Variants in PRAMEF20 observed in about 807,000 individuals in gnomAD.
The protein encoded by PRAMEF20 is PRAME family member 20.
In PRAMEF20, 27 loss-of-function variants were observed where a neutral mutation model predicts 32.4. That is an observed-to-expected ratio of 0.83 (90% CI 0.61 to 1.15). The LOEUF (loss-of-function observed/expected upper bound fraction) is 1.15. PRAMEF20 is among the 50% of genes most tolerant of loss of function. The probability of loss-of-function intolerance (pLI) is 0.00; values close to 1 mark genes in which losing one functional copy is unlikely to be tolerated. For missense variants in PRAMEF20, 604 were observed against 584.5 expected (o/e 1.03, Z -0.34); for synonymous variants, 256 against 235.4 (o/e 1.09, Z -0.80).
chr1:13,417,910 TTGTGTGTGTGTGTGTGTGTGTG>T (rs71272484), intron 1 of PRAMEF20, among the ~76,000 whole-genome samples, 190 bp from the exon 3 acceptor site: 2 of 124,218 alleles, frequency 1.6e-5, no homozygotes, highest in South Asian at 2.8e-4. Flanking sequence ...CCCGGCTAAT[TTGTGTGTGTGTGTGTGTGTGTG>T]TGTGTGTGTG....
In PRAMEF20 at chr1:13,420,588, C is replaced by A. The variant is rs1641231194; in HGVS notation, c.867-109C>A. The A allele has an allele frequency of 4.7e-6, 7 of 1,473,856 alleles. No homozygotes were observed. The Admixed American group carries it at 1.0e-4, about 21-fold the overall frequency. 91.3% of individuals were successfully genotyped at this position (1,473,856 alleles called of 1,614,324 possible). A position where few individuals can be genotyped will look rare whatever the true frequency, so the allele number is the denominator to read the frequency against. ...TTGACTATCAGACAATCAGAATGACCCTGGGCTTGGGCAAAATGGTCTCCA... is the reference window on the plus strand; with the variant it reads ...TTGACTATCAGACAATCAGAATGACACTGGGCTTGGGCAAAATGGTCTCCA... On this transcript the variant is annotated intron_variant, in intron 2 of 2. Coordinates refer to ENST00000602960, the Ensembl canonical transcript of PRAMEF20.
At chr1:13,417,359 C>T (rs917658100) in intron 1 of PRAMEF20, among the ~76,000 whole-genome samples, 1 of 152,038 alleles carries the variant, frequency 6.6e-6, no homozygotes, top group Non-Finnish European at 1.5e-5. Context: ...TCATGTAAGA[C>T]AGGGAAGTTC....
At chr1:13,415,801 AAGGG>A (rs1265811170), upstream of PRAMEF20, among the ~76,000 whole-genome samples, 4,899 of 137,634 alleles carry the variant, frequency 0.036, 201 homozygotes, top group African/African-American at 0.093. Context: ...AAAAAGAACA[AAGGG>A]AGGGAGGGAG....
chr1:13,414,468 G>GT (rs1246174165), upstream of PRAMEF20, among the ~76,000 whole-genome samples: 4 of 151,534 alleles, frequency 2.6e-5, no homozygotes, highest in Admixed American at 6.6e-5. Context: ...TTTACTAAAA[G>GT]TTTTTTTTGA....
chr1:13,412,573 G>A (rs1037952078), upstream of PRAMEF20, among the ~76,000 whole-genome samples: 5 of 151,994 alleles, frequency 3.3e-5, no homozygotes, highest in Admixed American at 1.3e-4. Context: ...TTCACATGTC[G>A]TGGTTTCTTC....
intron 1 of PRAMEF20, 45 bp from the exon 3 acceptor site, chr1:13,418,077 G>C (rs1470914629): frequency 3.7e-6 from 6 of 1,611,622 alleles, no homozygotes; most frequent in Non-Finnish European, 4.2e-6. Context: ...CCCAGCCTCA[G>C]AAGTGAGTCC....
intron 2 of PRAMEF20, among the ~76,000 whole-genome samples, chr1:13,419,936 A>T (rs1404429866): frequency 6.6e-6 from 1 of 152,284 alleles, no homozygotes; most frequent in Non-Finnish European, 1.5e-5. Context: ...TGATTCTGAA[A>T]CAGAGGGTCA....
upstream of PRAMEF20, among the ~76,000 whole-genome samples, chr1:13,413,329 T>C (rs1004506834): frequency 1.3e-5 from 2 of 152,154 alleles, no homozygotes; most frequent in African/African-American, 4.8e-5. Context: ...GGGTGGAGCT[T>C]AAGAGATTTA....
At chr1:13,411,675 T>C (rs1471963067), upstream of PRAMEF20, among the ~76,000 whole-genome samples, 1 of 152,186 alleles carries the variant, frequency 6.6e-6, no homozygotes, top group Non-Finnish European at 1.5e-5. Context: ...CCTTAGAATT[T>C]TGAGAACCAC....
exon 2 of PRAMEF20, chr1:13,418,310 C>T: frequency 6.2e-7 from 1 of 1,613,860 alleles, no homozygotes; most frequent in Admixed American, 1.7e-5. Context: ...AAGAACAGGA[C>T]TCTGGATGAA....
At chr1:13,413,103 T>G (rs1008554078), upstream of PRAMEF20, among the ~76,000 whole-genome samples, 1 of 152,242 alleles carries the variant, frequency 6.6e-6, no homozygotes, top group African/African-American at 2.4e-5. Context: ...TTCAAGTTTT[T>G]TCTTTCTGTC....
chr1:13,421,078 GGA>G lies in PRAMEF20; in HGVS notation c.1252_1253del (p.Ser418LeufsTer2). On this transcript the variant is annotated frameshift_variant, in exon 3 of 3. Transcript: ENST00000602960. LOFTEE classifies it high-confidence loss of function. Reference sequence around the variant, plus strand: ...GCCTGGAGCTGTATCCTGCCCCGCGGGAGAGTTATGATGTTCGTGGTATCGTC... The same window carrying G: ...GCCTGGAGCTGTATCCTGCCCCGCGGGAGTTATGATGTTCGTGGTATCGTC... The G allele has an allele frequency of 1.7e-5, 28 of 1,613,916 alleles. No homozygotes were observed. The highest frequency in any genetic ancestry group is 2.4e-5 in the Non-Finnish European group (28 of 1,179,868).
exon 3 of PRAMEF20, chr1:13,421,156 G>A: frequency 1.5e-5 from 25 of 1,613,890 alleles, no homozygotes; most frequent in East Asian, 2.2e-5. Flanking sequence ...GGAGAGTGAG[G>A]GCCTTAAGGG....
exon 3 of PRAMEF20, chr1:13,421,052 T>C (rs1201325324): frequency 3.1e-6 from 5 of 1,613,838 alleles, no homozygotes; most frequent in Admixed American, 3.3e-5. Flanking sequence ...CAACAACTTA[T>C]GCCTGGAGCT....
chr1:13,421,326 C>G (rs1641242878), exon 3 of PRAMEF20: 2 of 1,605,558 alleles, frequency 1.2e-6, no homozygotes, highest in Non-Finnish European at 1.7e-6. Context: ...AAACCTAGGT[C>G]TTTTTGCGCC....
chr1:13,411,014 T>C, the PRAMEF20 span, among the ~76,000 whole-genome samples: 1 of 152,102 alleles, frequency 6.6e-6, no homozygotes, highest in Non-Finnish European at 1.5e-5. Flanking sequence ...CCTGCCACTA[T>C]GCCTGGCTAA....
At chr1:13,420,724 C>T (rs1300238483) in exon 3 of PRAMEF20, 7 of 1,607,742 alleles carry the variant, frequency 4.4e-6, no homozygotes, top group South Asian at 1.1e-5. Flanking sequence ...TAAACATCCT[C>T]GCAATAACTA....
upstream of PRAMEF20, among the ~76,000 whole-genome samples, chr1:13,414,448 G>A (rs1394074799): frequency 6.6e-6 from 1 of 151,840 alleles, no homozygotes; most frequent in Non-Finnish European, 1.5e-5. Context: ...TTACAAGTTA[G>A]GTTTTCCTTT....
intron 2 of PRAMEF20, 37 bp from the exon 4 acceptor site, chr1:13,420,660 G>A (rs1021396733): frequency 6.2e-6 from 10 of 1,613,372 alleles, no homozygotes; most frequent in South Asian, 2.2e-5. Context: ...TCACCCCTAC[G>A]ATTCCCCAGA....
Sources: gnomAD v4.1 joint callset for allele counts (sites outside exome capture counted in the v4.1 genomes callset) on GRCh38, gnomAD v4.1.1 for gene constraint, MANE v1.5 for transcripts, NCBI Gene and HGNC (gene_info 2026-07-23, HGNC 2026-07-21) for gene names.